Variants in ANKRD30BL observed in about 807,000 individuals in gnomAD.
ANKRD30BL encodes putative ankyrin repeat domain-containing protein 30B-like.
ANKRD30BL carries 20 observed loss-of-function variants against 18.4 expected under a neutral mutation model. The observed-to-expected ratio is 1.09, with a 90% CI of 0.77 to 1.58. ANKRD30BL has a LOEUF of 1.58. Among genes scored for constraint, ANKRD30BL ranks in the 40% most tolerant of loss-of-function variants. The pLI is 0.00. For missense variants in ANKRD30BL, 224 were observed against 268.6 expected, an observed-to-expected ratio of 0.83 and a Z score of 1.16; for synonymous variants, 72 against 100.9, an observed-to-expected ratio of 0.71 and a Z score of 1.72.
At chr2:132,224,502 C>T (rs113741784) in intron 1 of ANKRD30BL, among the ~76,000 whole-genome samples, 22 of 151,546 alleles carry the variant, frequency 1.5e-4, no homozygotes, top group Non-Finnish European at 2.2e-4. Flanking sequence ...GAGGCATTCT[C>T]AGAAACTTCT....
intron 1 of ANKRD30BL, among the ~76,000 whole-genome samples, chr2:132,181,192 G>A (rs547045060): frequency 2.6e-5 from 4 of 151,814 alleles, no homozygotes; most frequent in South Asian, 4.2e-4. Flanking sequence ...GGATAAATGG[G>A]GCCGGGCATG....
At chr2:132,174,541 C>T (rs1318971097) in intron 1 of ANKRD30BL, among the ~76,000 whole-genome samples, 1 of 151,998 alleles carries the variant, frequency 6.6e-6, no homozygotes, top group Non-Finnish European at 1.5e-5. Flanking sequence ...TCAACTTCTC[C>T]CTTAAAATTG....
chr2:132,203,946 T>C (rs1227993560), intron 1 of ANKRD30BL, among the ~76,000 whole-genome samples: 1 of 152,160 alleles, frequency 6.6e-6, no homozygotes, highest in Non-Finnish European at 1.5e-5. Context: ...TTTCACATAT[T>C]GATACCAATC....
chr2:132,167,275 T>A (rs867174697), intron 1 of ANKRD30BL, among the ~76,000 whole-genome samples: 1 of 111,196 alleles, frequency 9.0e-6, no homozygotes, highest in African/African-American at 3.6e-5. Flanking sequence ...CATTCATTTA[T>A]TTTTATTTTA....
intron 1 of ANKRD30BL, among the ~76,000 whole-genome samples, chr2:132,199,925 CA>C (rs1485115821): frequency 6.6e-6 from 1 of 152,100 alleles, no homozygotes; most frequent in Non-Finnish European, 1.5e-5. Flanking sequence ...GAAATACTGG[CA>C]AAACGAATCC....
intron 1 of ANKRD30BL, among the ~76,000 whole-genome samples, chr2:132,183,370 C>T (rs1233800282): frequency 6.6e-6 from 1 of 152,118 alleles, no homozygotes; most frequent in East Asian, 1.9e-4. Flanking sequence ...ACCTTGTGAT[C>T]TGCCCGCTTT....
chr2:132,248,568 C>T (rs796589031), intron 1 of ANKRD30BL, among the ~76,000 whole-genome samples: 8 of 152,134 alleles, frequency 5.3e-5, no homozygotes, highest in African/African-American at 1.7e-4. Context: ...GCACATATCA[C>T]AAAGAAGTTT....
At chr2:132,233,037 T>G (rs959197530) in intron 1 of ANKRD30BL, among the ~76,000 whole-genome samples, 1 of 151,982 alleles carries the variant, frequency 6.6e-6, no homozygotes, top group African/African-American at 2.4e-5. Context: ...TATTCAACAT[T>G]CTTAAAGAAA....
intron 1 of ANKRD30BL, among the ~76,000 whole-genome samples, chr2:132,219,769 G>C (rs536918321): frequency 8.5e-5 from 13 of 152,230 alleles, no homozygotes; most frequent in Non-Finnish European, 1.6e-4. Flanking sequence ...TCTTTCTGTA[G>C]AATCTGCATG....
In ANKRD30BL at chr2:132,161,653, G is replaced by A. The variant is rs1341196010; in HGVS notation, c.53C>T (p.Pro18Leu). The part of the protein sequence containing the change: ...PVKGQTGPER[P>L]SPFSQLVYTN... ...GTAGACCAGCTGACTGAAGGGGCTC[G>A]GGCGCTCTGGGCCCGTCTGGCCCTT... Residue 18 changes from proline (P) to leucine (L), a missense_variant, in exon 1 of 6, where the codon CCG (proline) becomes CTG (leucine). Pro to Leu is a moderately conservative substitution (Grantham distance 98). Coordinates refer to ENST00000409867, the MANE Select transcript of ANKRD30BL (RefSeq NM_001358416.1). 9.0e-6 allele frequency: 13 copies of A among 1,451,874 alleles called. No homozygotes were observed. Among genetic ancestry groups the A allele is most frequent in the Non-Finnish European group, 1.2e-5 (13 of 1,059,190 alleles). 89.9% of individuals were successfully genotyped at this position (1,451,874 alleles called of 1,614,324 possible). A position where few individuals can be genotyped will look rare whatever the true frequency, so the allele number is the denominator to read the frequency against.
At chr2:132,165,511 T>C (rs560403731), upstream of ANKRD30BL, among the ~76,000 whole-genome samples, 2 of 149,212 alleles carry the variant, frequency 1.3e-5, no homozygotes, top group African/African-American at 5.0e-5. Context: ...CTGGGCCACA[T>C]GGTAAAATTT....
At chr2:132,184,596 C>T (rs2104950395) in intron 1 of ANKRD30BL, among the ~76,000 whole-genome samples, 1 of 152,268 alleles carries the variant, frequency 6.6e-6, no homozygotes, top group Middle Eastern at 3.4e-3. Context: ...TTAAAAGTTT[C>T]CATAAGTTAT....
chr2:132,204,518 T>C (rs551547252), intron 1 of ANKRD30BL, among the ~76,000 whole-genome samples: 2 of 151,072 alleles, frequency 1.3e-5, no homozygotes, highest in East Asian at 3.9e-4. Flanking sequence ...TATATACTTA[T>C]TTTCATTCTA....
At chr2:132,192,486 T>C (rs1678880704) in intron 1 of ANKRD30BL, among the ~76,000 whole-genome samples, 2 of 152,200 alleles carry the variant, frequency 1.3e-5, no homozygotes, top group South Asian at 4.1e-4. Flanking sequence ...CTTGATAAGT[T>C]ACCATGCTTC....
At chr2:132,193,300 T>C (rs1678897283) in intron 1 of ANKRD30BL, among the ~76,000 whole-genome samples, 1 of 152,206 alleles carries the variant, frequency 6.6e-6, no homozygotes, top group Non-Finnish European at 1.5e-5. Flanking sequence ...TCTGACTGTC[T>C]TACTTTTCAA....
intron 1 of ANKRD30BL, among the ~76,000 whole-genome samples, chr2:132,197,669 ATTAT>A (rs1453714653): frequency 6.6e-6 from 1 of 151,846 alleles, no homozygotes. Context: ...CAAAAAGTAG[ATTAT>A]TTATTTATAG....
intron 1 of ANKRD30BL, among the ~76,000 whole-genome samples, chr2:132,217,382 T>C (rs1330171798): frequency 6.6e-6 from 1 of 152,142 alleles, no homozygotes; most frequent in Non-Finnish European, 1.5e-5. Context: ...TTGTAGAATC[T>C]GCAAGTGGAC....
chr2:132,160,407 T>C (rs1360703694), intron 1 of ANKRD30BL, among the ~76,000 whole-genome samples: 1 of 145,454 alleles, frequency 6.9e-6, no homozygotes, highest in East Asian at 2.1e-4. Context: ...GGCCCTTTTT[T>C]TTTTTTTTTT....
rs377087784 is a variant in ANKRD30BL at position 132,187,404 on chromosome 2, G to A, written n.442-30258C>T. Reference sequence around the variant, plus strand: ...GAGATGGGGTTTAGCCATGTTGGCCGGGCTTCCTCAAGCGATTCTCTTGCC... The same window carrying A: ...GAGATGGGGTTTAGCCATGTTGGCCAGGCTTCCTCAAGCGATTCTCTTGCC... On this transcript the variant is annotated intron_variant and non_coding_transcript_variant, in intron 1 of 4. Coordinates refer to the ANKRD30BL transcript ENST00000470729. 6.6e-5 allele frequency among the ~76,000 whole-genome samples: 10 copies of A among 151,528 alleles called. No individual in the cohort carries two copies. In the East Asian group the frequency reaches 1.6e-3, roughly 24 times the overall value.
Sources: allele counts gnomAD v4.1 joint callset (sites outside exome capture counted in the v4.1 genomes callset), GRCh38; gene constraint gnomAD v4.1.1; transcripts MANE v1.5; gene names NCBI Gene and HGNC (gene_info 2026-07-23, HGNC 2026-07-21).